ERBB4: variants seen among roughly 807,000 people sequenced by gnomAD.
ERBB4 encodes the protein receptor tyrosine-protein kinase erbB-4.
A neutral mutation model predicts 158.0 loss-of-function variants in ERBB4; 42 were observed. That is an observed-to-expected ratio of 0.27 (90% CI 0.21 to 0.34). The LOEUF (loss-of-function observed/expected upper bound fraction) is 0.34, where lower values mean the gene tolerates loss of function less well. Ranked by LOEUF, ERBB4 falls within the 10% of genes least tolerant of loss-of-function variation. The pLI, the probability that ERBB4 is intolerant of heterozygous loss-of-function variation, is 1.00. For synonymous variants in ERBB4, 583 were observed against 558.7 expected, an observed-to-expected ratio of 1.04 and a Z score of -0.61; for missense variants, 1,333 against 1,624.1, an observed-to-expected ratio of 0.82 and a Z score of 3.08.
chr2:211,648,808 A>C (rs956450910), intron 16 of ERBB4, among the ~76,000 whole-genome samples: 1 of 151,826 alleles, frequency 6.6e-6, no homozygotes, highest in Non-Finnish European at 1.5e-5. Context: ...AAAGTCCAGC[A>C]CTATATTGTC....
chr2:212,512,115 C>A (rs1029400560), intron 1 of ERBB4, among the ~76,000 whole-genome samples: 1 of 152,078 alleles, frequency 6.6e-6, no homozygotes, highest in Non-Finnish European at 1.5e-5. Flanking sequence ...ATGATTCTCT[C>A]CCCAGGGATG....
intron 1 of ERBB4, among the ~76,000 whole-genome samples, chr2:212,466,869 A>T (rs1378949597): frequency 6.6e-6 from 1 of 152,224 alleles, no homozygotes; most frequent in Non-Finnish European, 1.5e-5. Flanking sequence ...AGAATTGTTG[A>T]ATGGCTTTGA....
chr2:212,165,311 AAT>A (rs148992312), intron 1 of ERBB4, among the ~76,000 whole-genome samples: 2 of 150,782 alleles, frequency 1.3e-5, no homozygotes, highest in African/African-American at 4.9e-5. Context: ...TTTTTGCATT[AAT>A]ATATATATAT....
At chr2:211,648,316 TACTC>T (rs751705203) in intron 16 of ERBB4, among the ~76,000 whole-genome samples, 4 of 151,734 alleles carry the variant, frequency 2.6e-5, no homozygotes, top group Non-Finnish European at 4.4e-5. Flanking sequence ...GCATATCACA[TACTC>T]ATTTATAATT....
intron 3 of ERBB4, among the ~76,000 whole-genome samples, chr2:211,884,734 C>G (rs1238436396): frequency 6.6e-6 from 1 of 152,166 alleles, no homozygotes; most frequent in African/African-American, 2.4e-5. Context: ...TCAACTCACT[C>G]TTGTGATAGA....
At chr2:212,384,890 AAT>A (rs67216333) in intron 1 of ERBB4, among the ~76,000 whole-genome samples, 6,062 of 123,060 alleles carry the variant, frequency 0.049, 175 homozygotes, top group South Asian at 0.17. Context: ...ATGTTTGTGG[AAT>A]ATATATATAT....
chr2:211,693,490 T>C (rs1574997511), intron 12 of ERBB4, among the ~76,000 whole-genome samples: 2 of 152,162 alleles, frequency 1.3e-5, no homozygotes. Context: ...TATTCAATTA[T>C]GAATTTTCCT....
At chr2:212,118,278 T>C (rs1469874397) in intron 2 of ERBB4, among the ~76,000 whole-genome samples, 2 of 152,192 alleles carry the variant, frequency 1.3e-5, no homozygotes, top group Non-Finnish European at 2.9e-5. Flanking sequence ...GATCAAGACA[T>C]GGTTACTTGT....
chr2:212,507,366 GT>G (rs1691251461), intron 1 of ERBB4, among the ~76,000 whole-genome samples: 1 of 152,092 alleles, frequency 6.6e-6, no homozygotes, highest in Non-Finnish European at 1.5e-5. Context: ...GAATCAAGAA[GT>G]AACTTTAACT....
At chr2:211,447,136 A>G (rs1312404630) in intron 20 of ERBB4, among the ~76,000 whole-genome samples, 2 of 152,166 alleles carry the variant, frequency 1.3e-5, no homozygotes, top group East Asian at 1.9e-4. Flanking sequence ...CATAACTTCT[A>G]TATTCCTTTA....
intron 1 of ERBB4, among the ~76,000 whole-genome samples, chr2:212,408,053 T>C (rs1304729708): frequency 1.3e-5 from 2 of 151,984 alleles, no homozygotes; most frequent in African/African-American, 4.8e-5. Context: ...AAAATATTTG[T>C]TTCTCAGTAA....
intron 19 of ERBB4, among the ~76,000 whole-genome samples, chr2:211,566,242 C>T (rs1418838756): frequency 2.6e-5 from 4 of 152,084 alleles, no homozygotes; most frequent in South Asian, 2.1e-4. Context: ...TATCAGTCAG[C>T]GGTAACAGGA....
chr2:211,533,971 A>G (rs1047258467), intron 20 of ERBB4, among the ~76,000 whole-genome samples: 1 of 152,134 alleles, frequency 6.6e-6, no homozygotes, highest in Non-Finnish European at 1.5e-5. Context: ...CTTATAAACC[A>G]GAATTAGATA....
chr2:212,268,296 A>T (rs1004810492), intron 1 of ERBB4, among the ~76,000 whole-genome samples: 1 of 151,880 alleles, frequency 6.6e-6, no homozygotes, highest in East Asian at 1.9e-4. Context: ...GAAATGACAG[A>T]TTTTAAGAAA....
chr2:211,952,304 C>A (rs2080894902), intron 2 of ERBB4, among the ~76,000 whole-genome samples: 1 of 151,906 alleles, frequency 6.6e-6, no homozygotes, highest in Admixed American at 6.6e-5. Flanking sequence ...AAAACAATTA[C>A]AGGAAACAAG....
intron 1 of ERBB4, among the ~76,000 whole-genome samples, chr2:212,165,483 C>T (rs2081320610): frequency 6.6e-6 from 1 of 151,876 alleles, no homozygotes; most frequent in African/African-American, 2.4e-5. Flanking sequence ...TGACTGATCT[C>T]AACAAATCAG....
chr2:212,046,535 A>T (rs1478822852), intron 2 of ERBB4, among the ~76,000 whole-genome samples: 1 of 152,220 alleles, frequency 6.6e-6, no homozygotes, highest in Non-Finnish European at 1.5e-5. Flanking sequence ...TTATATATTT[A>T]CTATTACTTA....
chr2:212,383,820 T>C (rs1313140234), intron 1 of ERBB4, among the ~76,000 whole-genome samples: 3 of 151,700 alleles, frequency 2.0e-5, no homozygotes, highest in African/African-American at 7.2e-5. Context: ...TTCCTACATT[T>C]ATTATGATTA....
chr2:212,442,198 C>G (rs1180900331), intron 1 of ERBB4, among the ~76,000 whole-genome samples: 1 of 152,046 alleles, frequency 6.6e-6, no homozygotes, highest in African/African-American at 2.4e-5. Context: ...CTACTGCATT[C>G]CTACTTAATT....
Sources: gnomAD v4.1 joint callset for allele counts (sites outside exome capture counted in the v4.1 genomes callset) on GRCh38, gnomAD v4.1.1 for gene constraint, MANE v1.5 for transcripts, NCBI Gene and HGNC (gene_info 2026-07-23, HGNC 2026-07-21) for gene names.